The following SH3GL2 variants were observed in gnomAD, a reference collection of about 807,000 sequenced individuals.
The protein encoded by SH3GL2 is endophilin-A1.
In SH3GL2, 24 loss-of-function variants were observed where a neutral mutation model predicts 46.0. The ratio of observed to expected loss-of-function variants is 0.52; its 90% CI spans 0.38 to 0.73. SH3GL2 has a LOEUF of 0.73. SH3GL2 is among the 30% of genes least tolerant of loss of function. The pLI is 0.00. For missense variants in SH3GL2, 413 were observed against 424.2 expected (o/e 0.97, Z 0.23); for synonymous variants, 196 against 147.1 (o/e 1.33, Z -2.40).
chr9:17,657,561 T>C (rs1039380878), intron 1 of SH3GL2, among the ~76,000 whole-genome samples: 4 of 152,174 alleles, frequency 2.6e-5, no homozygotes. Context: ...TTAAGGAAAG[T>C]AGTAAAACTA....
chr9:17,691,793 T>A (rs1314831185), intron 1 of SH3GL2, among the ~76,000 whole-genome samples: 1 of 152,142 alleles, frequency 6.6e-6, no homozygotes, highest in East Asian at 1.9e-4. Context: ...TTGCTCTTTA[T>A]CTTGTCAGTA....
rs144759576 is a variant in SH3GL2, at chr9:17,647,411, TTCTCTC to T, written c.45+68136_45+68141del. ...GCCCTGTGACAGAGCTCTTGTTAGT[TTCTCTC>T]TCTCTCTCTCTGTCTCTCTCTCTAC... On this transcript the variant is annotated intron_variant, in intron 1 of 8. Coordinates refer to ENST00000380607, the MANE Select transcript of SH3GL2 (RefSeq NM_003026.5). Among the ~76,000 whole-genome samples the T allele has an allele frequency of 4.0e-5, 6 of 150,436 alleles. No homozygotes were observed. In the South Asian group the frequency reaches 1.1e-3, roughly 26 times the overall value.
At chr9:17,678,902 T>G (rs1459084126) in intron 1 of SH3GL2, among the ~76,000 whole-genome samples, 1 of 152,190 alleles carries the variant, frequency 6.6e-6, no homozygotes, top group Non-Finnish European at 1.5e-5. Context: ...CTTTCCCCAT[T>G]TCTTGTTTTT....
At chr9:17,644,659 C>A (rs1244113846) in intron 1 of SH3GL2, among the ~76,000 whole-genome samples, 1 of 152,156 alleles carries the variant, frequency 6.6e-6, no homozygotes, top group Non-Finnish European at 1.5e-5. Context: ...ATCCTGAGTT[C>A]TAATTTGATT....
At chr9:17,674,174 G>A (rs1420281801) in intron 1 of SH3GL2, among the ~76,000 whole-genome samples, 1 of 152,118 alleles carries the variant, frequency 6.6e-6, no homozygotes, top group South Asian at 2.1e-4. Context: ...TATTTATCTT[G>A]GGTATCCATT....
At chr9:17,596,461 T>C (rs1461848390) in intron 1 of SH3GL2, among the ~76,000 whole-genome samples, 1 of 151,900 alleles carries the variant, frequency 6.6e-6, no homozygotes, top group Non-Finnish European at 1.5e-5. Context: ...TCCTGTAAGA[T>C]GTTCTTGGTA....
intron 1 of SH3GL2, among the ~76,000 whole-genome samples, chr9:17,687,761 C>T (rs746570578): frequency 2.0e-5 from 3 of 152,004 alleles, no homozygotes; most frequent in Non-Finnish European, 4.4e-5. Context: ...GATAATCATA[C>T]TTGTTAAACC....
intron 1 of SH3GL2, among the ~76,000 whole-genome samples, chr9:17,693,244 A>G (rs1384053882): frequency 1.3e-5 from 2 of 152,174 alleles, no homozygotes; most frequent in Non-Finnish European, 2.9e-5. Flanking sequence ...CACATGGATC[A>G]GGGTCCTCCT....
intron 1 of SH3GL2, among the ~76,000 whole-genome samples, chr9:17,642,952 G>A (rs558982441): frequency 6.6e-6 from 1 of 152,114 alleles, no homozygotes; most frequent in Non-Finnish European, 1.5e-5. Context: ...GATGGAAATA[G>A]CATTGAATCT....
intron 1 of SH3GL2, among the ~76,000 whole-genome samples, chr9:17,648,044 C>A (rs1819864854): frequency 1.3e-5 from 2 of 152,040 alleles, no homozygotes; most frequent in Non-Finnish European, 2.9e-5. Context: ...TATTTTCTTT[C>A]TGTAGCTTAC....
chr9:17,649,347 G>A (rs887476442), intron 1 of SH3GL2, among the ~76,000 whole-genome samples: 1 of 152,162 alleles, frequency 6.6e-6, no homozygotes, highest in Non-Finnish European at 1.5e-5. Context: ...GATTACAGGC[G>A]TGAGCCACCA....
intron 1 of SH3GL2, among the ~76,000 whole-genome samples, chr9:17,670,570 T>C (rs888575992): frequency 6.6e-6 from 1 of 152,248 alleles, no homozygotes; most frequent in Admixed American, 6.5e-5. Context: ...GCCAGTGATA[T>C]GTCTTTGTCT....
rs1818222768 is a variant in SH3GL2 at position 17,579,152 on chromosome 9, G to A, written c.-91G>A. The A allele has an allele frequency of 1.0e-5, 9 of 902,228 alleles. No individual in the cohort carries two copies. Among genetic ancestry groups the A allele is most frequent in the Admixed American group, 3.5e-5 (1 of 28,718 alleles). 55.9% of individuals were successfully genotyped at this position (902,228 alleles called of 1,614,324 possible). A position where few individuals can be genotyped will look rare whatever the true frequency, so the allele number is the denominator to read the frequency against. ...CCCCGGCGGCGGCACGACCAGAGGC[G>A]GCCAGGGGAGCGCGCCGCCCCGCTC... On this transcript the variant is annotated 5_prime_UTR_variant, in exon 1 of 9. Transcript: ENST00000380607.
At chr9:17,748,536 C>G (rs905627323) in intron 2 of SH3GL2, among the ~76,000 whole-genome samples, 4 of 151,838 alleles carry the variant, frequency 2.6e-5, no homozygotes, top group Non-Finnish European at 5.9e-5. Flanking sequence ...CAAAAAATTC[C>G]TAGGTATTCA....
intron 1 of SH3GL2, among the ~76,000 whole-genome samples, chr9:17,630,752 A>G (rs1819402481): frequency 6.6e-6 from 1 of 152,156 alleles, no homozygotes; most frequent in Admixed American, 6.6e-5. Context: ...ATTATGCAAT[A>G]ATGTAGCCTT....
At chr9:17,791,400 G>A in intron 7 of SH3GL2, 66 bp downstream of exon 7, 3 of 1,119,526 alleles carry the variant, frequency 2.7e-6, no homozygotes, top group Non-Finnish European at 4.1e-6. Flanking sequence ...ATAAAGAAAT[G>A]GAAATCATAG....
In SH3GL2 at chr9:17,579,296, C is replaced by A; in HGVS notation, c.45+9C>A. On this transcript the variant is annotated intron_variant, in intron 1 of 8. Coordinates refer to ENST00000380607, the MANE Select transcript of SH3GL2 (RefSeq NM_003026.5). ...TCCATAAAGCCACTCAGGTAAGGCG[C>A]GCGGCAGGTGCGTCCCGGGGCAGTC... 2 of 1,557,340 alleles carry A rather than the reference C, an allele frequency of 1.3e-6. No homozygotes were observed. Among genetic ancestry groups the A allele is most frequent in the East Asian group, 2.6e-5 (1 of 38,582 alleles).
chr9:17,593,936 C>A (rs1373656333), intron 1 of SH3GL2, among the ~76,000 whole-genome samples: 4 of 152,162 alleles, frequency 2.6e-5, no homozygotes, highest in African/African-American at 9.7e-5. Flanking sequence ...TCAACTTCTT[C>A]CTCCTCACAC....
At position 17,777,655 on chromosome 9, in the gene SH3GL2, A is replaced by C. The variant is rs1028309206; in HGVS notation, c.188-8726A>C. On this transcript the variant is annotated intron_variant, in intron 3 of 8. Transcript: ENST00000380607. Reference sequence around the variant, plus strand: ...GCTGGTAGTTAGACGCCTTCTCACTATGTCCTCATGTAACCTTTTCGTGGT... The same window carrying C: ...GCTGGTAGTTAGACGCCTTCTCACTCTGTCCTCATGTAACCTTTTCGTGGT... Among the ~76,000 whole-genome samples, 7 of 152,052 alleles carry C rather than the reference A, an allele frequency of 4.6e-5. 1 individual carries two copies. The highest frequency in any genetic ancestry group is 1.7e-4 in the African/African-American group (7 of 41,416).
Sources: allele counts gnomAD v4.1 joint callset (sites outside exome capture counted in the v4.1 genomes callset), GRCh38; gene constraint gnomAD v4.1.1; transcripts MANE v1.5; gene names NCBI Gene and HGNC (gene_info 2026-07-23, HGNC 2026-07-21).